The following SMIM31 variants were observed in gnomAD, a reference collection of about 807,000 sequenced individuals.
SMIM31 encodes human epithelial cell program regulator.
intron 2 of SMIM31, among the ~76,000 whole-genome samples, chr4:164,792,016 T>C (rs1733107933): frequency 6.6e-6 from 1 of 152,226 alleles, no homozygotes; most frequent in African/African-American, 2.4e-5. Flanking sequence ...ATGCTTTAGA[T>C]CCTTGCTACA....
intron 2 of SMIM31, among the ~76,000 whole-genome samples, chr4:164,776,932 G>T (rs1732886102): frequency 6.6e-6 from 1 of 152,124 alleles, no homozygotes; most frequent in Non-Finnish European, 1.5e-5. Flanking sequence ...TATGAGGCAG[G>T]TATTGTTATA....
At chr4:164,783,208 ACT>A (rs1298450732) in intron 2 of SMIM31, among the ~76,000 whole-genome samples, 2 of 100,142 alleles carry the variant, frequency 2.0e-5, no homozygotes, top group African/African-American at 4.0e-5. Flanking sequence ...ACATAGCAAG[ACT>A]CTGTCTCAAA....
At chr4:164,758,630 G>GT (rs1210607914) in intron 1 of SMIM31, among the ~76,000 whole-genome samples, 9,910 of 96,480 alleles carry the variant, frequency 0.1, 2,233 homozygotes, top group African/African-American at 0.16. Context: ...TCCTTTTTTT[G>GT]TTTTTTTTTT....
chr4:164,772,935 G>C (rs1437329911), intron 2 of SMIM31, among the ~76,000 whole-genome samples: 2 of 146,200 alleles, frequency 1.4e-5, no homozygotes, highest in African/African-American at 5.0e-5. Flanking sequence ...CAGAGAGCCA[G>C]AAGTTAATCT....
intron 2 of SMIM31, among the ~76,000 whole-genome samples, chr4:164,790,461 T>C (rs747873141): frequency 6.6e-6 from 1 of 152,188 alleles, no homozygotes. Flanking sequence ...ACATGACACT[T>C]ATAAATTCCA....
At chr4:164,784,962 G>A (rs906224747) in intron 2 of SMIM31, among the ~76,000 whole-genome samples, 28 of 150,948 alleles carry the variant, frequency 1.9e-4, no homozygotes, top group Non-Finnish European at 2.8e-4. Context: ...GGTGGCTCAC[G>A]CCTGTAATCC....
At chr4:164,769,718 A>G (rs1042280678) in intron 1 of SMIM31, among the ~76,000 whole-genome samples, 6 of 148,240 alleles carry the variant, frequency 4.0e-5, no homozygotes, top group Non-Finnish European at 8.9e-5. Context: ...CACGTTGTGC[A>G]CATGTACCCT....
At chr4:164,769,008 T>C (rs1046603493) in intron 1 of SMIM31, among the ~76,000 whole-genome samples, 1 of 152,168 alleles carries the variant, frequency 6.6e-6, no homozygotes, top group Non-Finnish European at 1.5e-5. Context: ...CCCAGTGATC[T>C]TTGTCTCCCC....
In SMIM31 at chr4:164,802,034, C is replaced by A. The variant is rs1733291947; in HGVS notation, c.*840C>A. 6.6e-6 allele frequency: 1 copy of A among 151,788 alleles called. No individual in the cohort carries two copies. The highest frequency in any genetic ancestry group is 6.6e-5 in the Admixed American group (1 of 15,202). The allele number at this position is 151,788 out of a possible 1,614,324, so 9.4% of individuals were successfully genotyped here. On this transcript the variant is annotated 3_prime_UTR_variant, in exon 3 of 3. Coordinates refer to ENST00000507311, the MANE Select transcript of SMIM31 (RefSeq NM_001352885.1). ...AGATCACGAGGTCAGGAGATTGAGA[C>A]CATCCTAGCTAACACAGTGAAACCC...
In SMIM31 at chr4:164,780,535, C is replaced by T. The variant is rs193067854; in HGVS notation, c.112+9980C>T. 4.6e-5 allele frequency among the ~76,000 whole-genome samples: 7 copies of T among 152,296 alleles called. No homozygotes were observed. The East Asian group carries it at 1.4e-3, about 29-fold the overall frequency. ...GAAGGCCTTTGTAGATCAATGAATC[C>T]TAATACTGGTAAACTGGATTATTTT... On this transcript the variant is annotated intron_variant, in intron 2 of 2. Transcript: ENST00000507311.
intron 2 of SMIM31, among the ~76,000 whole-genome samples, chr4:164,794,910 A>G (rs919815317): frequency 2.0e-5 from 3 of 151,840 alleles, no homozygotes; most frequent in Admixed American, 1.3e-4. Flanking sequence ...TTTTAAAAAA[A>G]TATTTTTTTA....
Position 164,801,436 on chromosome 4 carries a change from C to CA in SMIM31, c.*253dup, listed in dbSNP as rs796648282. The CA allele has an allele frequency of 0.028, 6,731 of 236,188 alleles. 45 individuals carry two copies. The highest frequency in any genetic ancestry group is 0.053 in the African/African-American group (2,072 of 39,404). 14.6% of individuals were successfully genotyped at this position (236,188 alleles called of 1,614,324 possible). A position where few individuals can be genotyped will look rare whatever the true frequency, so the allele number is the denominator to read the frequency against. ...ACCATTCTAGCTGCAATTGATTATACAAAAAAAAAAAGACCAAAGTGGTTA... is the reference window on the plus strand; with the variant it reads ...ACCATTCTAGCTGCAATTGATTATACAAAAAAAAAAAAGACCAAAGTGGTTA... On this transcript the variant is annotated 3_prime_UTR_variant, in exon 3 of 3. Transcript: ENST00000507311.
intron 2 of SMIM31, among the ~76,000 whole-genome samples, chr4:164,774,983 A>G (rs756487870): frequency 3.0e-4 from 46 of 152,326 alleles, no homozygotes; most frequent in Non-Finnish European, 5.9e-4. Flanking sequence ...ATGCTCTTAA[A>G]TCTACTTACT....
intron 2 of SMIM31, among the ~76,000 whole-genome samples, chr4:164,777,797 G>T (rs2110941251): frequency 6.6e-6 from 1 of 152,306 alleles, no homozygotes; most frequent in East Asian, 1.9e-4. Context: ...GAGAAAGTAA[G>T]CCCAAGGCTG....
intron 2 of SMIM31, among the ~76,000 whole-genome samples, chr4:164,778,376 A>G (rs901207018): frequency 6.6e-6 from 1 of 152,224 alleles, no homozygotes; most frequent in Admixed American, 6.5e-5. Flanking sequence ...CTCCAAAATC[A>G]ACATTAAGCA....
chr4:164,772,636 T>C lies in SMIM31; in HGVS notation c.112+2081T>C, dbSNP rs1372460739. 2.0e-5 allele frequency among the ~76,000 whole-genome samples: 3 copies of C among 150,502 alleles called. No homozygotes were observed. In the East Asian group the frequency reaches 5.9e-4, roughly 30 times the overall value. On this transcript the variant is annotated intron_variant, in intron 2 of 2. Transcript: ENST00000507311. ...CTCTGTCGCCCAGGCTGGAGTGCAG[T>C]GGCGCGATCTCGACTCACTGCAAGC...
At chr4:164,775,034 A>T (rs1447608261) in intron 2 of SMIM31, among the ~76,000 whole-genome samples, 1 of 152,216 alleles carries the variant, frequency 6.6e-6, no homozygotes. Context: ...TTCTTTCTTT[A>T]AATCCAGCCA....
At chr4:164,771,600 G>C (rs1732803124) in intron 2 of SMIM31, among the ~76,000 whole-genome samples, 1 of 151,000 alleles carries the variant, frequency 6.6e-6, no homozygotes, top group Admixed American at 6.6e-5. Context: ...AGGAGATCAA[G>C]ACCATCCTGG....
intron 2 of SMIM31, among the ~76,000 whole-genome samples, chr4:164,781,299 C>T (rs1732946032): frequency 6.6e-6 from 1 of 152,168 alleles, no homozygotes; most frequent in Admixed American, 6.5e-5. Context: ...AAGGACCAAA[C>T]AATCCTACTC....
Sources: allele counts gnomAD v4.1 joint callset (sites outside exome capture counted in the v4.1 genomes callset), GRCh38; gene constraint gnomAD v4.1.1; transcripts MANE v1.5; gene names NCBI Gene and HGNC (gene_info 2026-07-23, HGNC 2026-07-21).